NKD2: variants seen among roughly 807,000 people sequenced by gnomAD.
NKD2 encodes NKD inhibitor of Wnt signaling pathway 2.
In NKD2, 43 loss-of-function variants were observed where a neutral mutation model predicts 34.8. That is an observed-to-expected ratio of 1.24 (90% CI 0.97 to 1.60). The LOEUF (loss-of-function observed/expected upper bound fraction) is 1.60. NKD2 is among the 40% of genes most tolerant of loss of function. The probability of loss-of-function intolerance (pLI) is 0.00; values close to 1 mark genes in which losing one functional copy is unlikely to be tolerated. For synonymous variants in NKD2, 278 were observed against 265.1 expected, an observed-to-expected ratio of 1.05 and a Z score of -0.47; for missense variants, 675 against 627.1, an observed-to-expected ratio of 1.08 and a Z score of -0.82.
At chr5:1,029,740 C>T (rs1756566094) in intron 3 of NKD2, among the ~76,000 whole-genome samples, 3 of 152,220 alleles carry the variant, frequency 2.0e-5, no homozygotes, top group African/African-American at 7.2e-5. Context: ...GCTGCCTGTC[C>T]TCAGGAGCCA....
rs1351106235 is a variant in NKD2 at position 1,033,412 on chromosome 5, G to A, written c.243G>A (p.Pro81=). The part of the protein sequence containing the change: ...PAEKAEGREH[P]GQLLSADDGE... ...AGAAAGCTGAGGGCCGCGAGCACCC[G>A]GGACAACTCCTCAGCGCAGATGACG... The change falls in exon 5 of 10, where the codon CCG becomes CCA. Residue 81 remains proline, a synonymous_variant. Transcript: ENST00000296849. 6.9e-6 allele frequency: 11 copies of A among 1,596,738 alleles called. No homozygotes were observed. In the South Asian group the frequency reaches 7.9e-5, roughly 12 times the overall value.
chr5:1,017,507 C>T (rs371613360), intron 3 of NKD2, among the ~76,000 whole-genome samples: 5 of 152,256 alleles, frequency 3.3e-5, no homozygotes, highest in South Asian at 2.1e-4. Flanking sequence ...CGTGGGATTC[C>T]AGGGCTGTCT....
chr5:1,034,060 G>C, intron 5 of NKD2, 175 bp from the exon 6 acceptor site: 1 of 602,890 alleles, frequency 1.7e-6, no homozygotes, highest in Non-Finnish European at 2.9e-6. Flanking sequence ...AGCTGGGCAA[G>C]AAGGGGTCTG....
At chr5:1,036,929 C>T (rs144811535) in intron 9 of NKD2, 16,675 of 391,000 alleles carry the variant, frequency 0.043, 350 homozygotes, top group Non-Finnish European at 0.06. Flanking sequence ...GGACGGCGGG[C>T]AGTGTGGATG....
intron 8 of NKD2, 52 bp from the exon 9 acceptor site, chr5:1,036,205 G>T: frequency 4.7e-6 from 7 of 1,476,716 alleles, no homozygotes; most frequent in South Asian, 2.8e-5. Flanking sequence ...GTCATCAGGG[G>T]TGCGCCACCC....
rs1243019669 is a variant in NKD2, at chr5:1,038,277, A to C, written c.1260A>C (p.Gly420=). The change falls in exon 10 of 10, where the codon GGA becomes GGC. Residue 420 remains glycine, a synonymous_variant. Transcript: ENST00000296849. This position sits in a 1 kb window ranked among gnomAD's most constrained non-coding sequence, Gnocchi z 4.5. ...VVRDLPPTPA[G]EGYAVPVIQR... is the part of the protein sequence containing the mutation. The stretch of plus-strand genomic sequence containing the variant: ...GGGACCTGCCGCCCACGCCAGCAGG[A>C]GAGGGCTACGCGGTGCCAGTGATCC... The C allele has an allele frequency of 1.3e-6, 2 of 1,568,940 alleles. No individual in the cohort carries two copies. Among genetic ancestry groups the C allele is most frequent in the East Asian group, 4.7e-5 (2 of 42,946 alleles).
rs1014264270 is a variant in NKD2 at position 1,038,316 on chromosome 5, CCACCACCACCACGAG to C, written c.1312_1326del (p.Glu438_His442del). On this transcript the variant is annotated inframe_deletion, in exon 10 of 10. Transcript: ENST00000296849. This position sits in a 1 kb window ranked among gnomAD's most constrained non-coding sequence, Gnocchi z 4.5. ...TGCCAGTGATCCAGCGGCACGAGCA[CCACCACCACCACGAG>C]CACCACCACCACCACCACCACCACC... 4.4e-5 allele frequency: 68 copies of C among 1,531,058 alleles called. No homozygotes were observed. Among genetic ancestry groups the C allele is most frequent in the South Asian group, 9.6e-5 (8 of 83,200 alleles). The allele number at this position is 1,531,058 out of a possible 1,614,324, so 94.8% of individuals were successfully genotyped here.
intron 3 of NKD2, among the ~76,000 whole-genome samples, chr5:1,011,226 A>G (rs1184790280): frequency 6.6e-6 from 1 of 152,184 alleles, no homozygotes; most frequent in Non-Finnish European, 1.5e-5. Flanking sequence ...GCTTTCAGAC[A>G]AAAGTGCTGC....
chr5:1,014,432 G>A (rs1755867793), intron 3 of NKD2, among the ~76,000 whole-genome samples: 1 of 152,212 alleles, frequency 6.6e-6, no homozygotes, highest in African/African-American at 2.4e-5. Context: ...TGCCAGAAAG[G>A]GCAGGGCCGT....
intron 3 of NKD2, among the ~76,000 whole-genome samples, chr5:1,027,697 G>A (rs1756477077): frequency 6.6e-6 from 1 of 152,216 alleles, no homozygotes; most frequent in African/African-American, 2.4e-5. Flanking sequence ...GTGGACACCC[G>A]TGTGTTTCCC....
chr5:1,033,433 T>C lies in NKD2; in HGVS notation c.264T>C (p.Asp88=), dbSNP rs762081407. 5 of 1,582,290 alleles carry C rather than the reference T, an allele frequency of 3.2e-6. No individual in the cohort carries two copies. In the East Asian group the frequency reaches 1.2e-4, roughly 37 times the overall value. The change falls in exon 5 of 10, where the codon GAT becomes GAC. Residue 88 remains aspartate (D), a synonymous_variant. Coordinates refer to ENST00000296849, the MANE Select transcript of NKD2 (RefSeq NM_033120.4). The stretch of plus-strand genomic sequence containing the variant: ...ACCCGGGACAACTCCTCAGCGCAGA[T>C]GACGGAGAGAGGGCAGCAAACCGCG... The part of the protein sequence containing the change: ...REHPGQLLSA[D]DGERAANREG...
intron 3 of NKD2, among the ~76,000 whole-genome samples, chr5:1,017,856 C>T (rs1000467057): frequency 6.7e-6 from 1 of 149,752 alleles, no homozygotes; most frequent in Non-Finnish European, 1.5e-5. Flanking sequence ...GTGGGAGAGG[C>T]CAGGCAGGGG....
chr5:1,026,277 G>T (rs866165769), intron 3 of NKD2, among the ~76,000 whole-genome samples: 14 of 31,378 alleles, frequency 4.5e-4, no homozygotes, highest in African/African-American at 1.2e-3. Flanking sequence ...CTTCCCACCC[G>T]CTGTGGGCGT....
rs778462347 is a variant in NKD2, at chr5:1,038,278, G to C, written c.1261G>C (p.Glu421Gln). ...VRDLPPTPAG[E>Q]GYAVPVIQRH... The stretch of plus-strand genomic sequence containing the variant: ...GGACCTGCCGCCCACGCCAGCAGGA[G>C]AGGGCTACGCGGTGCCAGTGATCCA... Residue 421 changes from glutamate (E) to glutamine (Q), a missense_variant, in exon 10 of 10, where the codon GAG becomes CAG. Glu to Gln is a conservative substitution (Grantham distance 29, BLOSUM62 2). Transcript: ENST00000296849. This position sits in a 1 kb window ranked among gnomAD's most constrained non-coding sequence, Gnocchi z 4.5. 1 of 1,568,294 alleles carries C rather than the reference G, an allele frequency of 6.4e-7. No homozygotes were observed. The highest frequency in any genetic ancestry group is 2.3e-5 in the East Asian group (1 of 42,880).
Position 1,009,749 on chromosome 5 carries a change from G to A in NKD2, c.141+189G>A, listed in dbSNP as rs1262654800. Among the ~76,000 whole-genome samples, 1 of 152,168 alleles carries A rather than the reference G, an allele frequency of 6.6e-6. No homozygotes were observed. The highest frequency in any genetic ancestry group is 1.5e-5 in the Non-Finnish European group (1 of 68,026). Reference sequence around the variant, plus strand: ...ACGACGTCTGGGGCTCCCGTGGGGCGAGCCCTTGCTAGTGTCCCATGCTGA... The same window carrying A: ...ACGACGTCTGGGGCTCCCGTGGGGCAAGCCCTTGCTAGTGTCCCATGCTGA... On this transcript the variant is annotated intron_variant, in intron 3 of 9. Coordinates refer to ENST00000296849, the MANE Select transcript of NKD2 (RefSeq NM_033120.4). This position sits in a 1 kb window ranked among gnomAD's most constrained non-coding sequence, Gnocchi z 6.9.
intron 3 of NKD2, among the ~76,000 whole-genome samples, chr5:1,027,446 A>T (rs1480901528): frequency 6.6e-6 from 1 of 152,050 alleles, no homozygotes; most frequent in Non-Finnish European, 1.5e-5. Flanking sequence ...GCTGCCCGAC[A>T]CGCCCACCCA....
chr5:1,032,205 C>T lies in NKD2; in HGVS notation c.195C>T (p.Pro65=). ...KEGPFREDQC[P]LQVALPAEKA... ...GGCCTTTCCGGGAGGACCAGTGTCC[C>T]CTACAGGGTGAGTGCAGCTCCCGCA... Residue 65 remains proline, a synonymous_variant, in exon 4 of 10, where the codon CCC becomes CCT. Transcript: ENST00000296849. 1 of 1,609,320 alleles carries T rather than the reference C, an allele frequency of 6.2e-7. No individual in the cohort carries two copies. Among genetic ancestry groups the T allele is most frequent in the South Asian group, 1.1e-5 (1 of 90,808 alleles).
Position 1,038,888 on chromosome 5 carries a change from C to T in NKD2, c.*515C>T, listed in dbSNP as rs60241368. The T allele has an allele frequency of 4.2e-5, 10 of 239,154 alleles. No homozygotes were observed. Among genetic ancestry groups the T allele is most frequent in the South Asian group, 1.5e-4 (3 of 20,546 alleles). 14.8% of individuals were successfully genotyped at this position (239,154 alleles called of 1,614,324 possible). Reference sequence around the variant, plus strand: ...GCTTGTGCTTAGCAGGGAGCATCCGCGGCTCCCCGCAGGAGGCCAAGCAGC... The same window carrying T: ...GCTTGTGCTTAGCAGGGAGCATCCGTGGCTCCCCGCAGGAGGCCAAGCAGC... On this transcript the variant is annotated 3_prime_UTR_variant, in exon 10 of 10. Coordinates refer to ENST00000296849, the MANE Select transcript of NKD2 (RefSeq NM_033120.4). This position sits in a 1 kb window ranked among gnomAD's most constrained non-coding sequence, Gnocchi z 4.5.
At chr5:1,020,363 C>T (rs923592847) in intron 3 of NKD2, among the ~76,000 whole-genome samples, 1 of 152,122 alleles carries the variant, frequency 6.6e-6, no homozygotes, top group East Asian at 1.9e-4. Context: ...CACACATGTA[C>T]GTAGGTCTGT....
Sources: gnomAD v4.1 joint callset for allele counts (sites outside exome capture counted in the v4.1 genomes callset) on GRCh38, gnomAD v4.1.1 for gene constraint, Gnocchi (gnomAD v3.1) non-coding constraint, MANE v1.5 for transcripts, NCBI Gene and HGNC (gene_info 2026-07-23, HGNC 2026-07-21) for gene names.